PDE4D: variants seen among roughly 807,000 people sequenced by gnomAD.
PDE4D encodes phosphodiesterase 4D.
PDE4D carries 24 observed loss-of-function variants against 87.4 expected under a neutral mutation model. That is an observed-to-expected ratio of 0.27 (90% CI 0.20 to 0.39). PDE4D has a LOEUF of 0.39. PDE4D is among the 10% of genes least tolerant of loss of function. PDE4D has a pLI of 1.00. For missense variants in PDE4D, 714 were observed against 1,041.0 expected, an observed-to-expected ratio of 0.69 and a Z score of 4.32; for synonymous variants, 384 against 383.2, an observed-to-expected ratio of 1.00 and a Z score of -0.02.
At chr5:59,115,377 G>C (rs1209239857) in intron 5 of PDE4D, among the ~76,000 whole-genome samples, 6 of 152,086 alleles carry the variant, frequency 3.9e-5, no homozygotes, top group Non-Finnish European at 5.9e-5. Context: ...TGATTTTGTA[G>C]ATTTTCTTTT....
At chr5:59,080,915 A>G (rs1301324203) in intron 5 of PDE4D, among the ~76,000 whole-genome samples, 1 of 152,204 alleles carries the variant, frequency 6.6e-6, no homozygotes, top group Non-Finnish European at 1.5e-5. Context: ...TCTTCAAAAT[A>G]TAATCATGGC....
chr5:60,254,148 T>C (rs556021289), intron 1 of PDE4D, among the ~76,000 whole-genome samples: 22 of 151,984 alleles, frequency 1.4e-4, no homozygotes, highest in African/African-American at 4.3e-4. Context: ...AGGAGAGGCA[T>C]TGCTATGTGG....
chr5:60,084,230 A>G (rs992701165), intron 2 of PDE4D, among the ~76,000 whole-genome samples: 43 of 152,218 alleles, frequency 2.8e-4, no homozygotes, highest in African/African-American at 1.0e-3. Context: ...CATCAGAGAG[A>G]AATTTTCAGT....
chr5:59,041,502 G>T (rs575492020), intron 5 of PDE4D, among the ~76,000 whole-genome samples: 34 of 152,288 alleles, frequency 2.2e-4, no homozygotes, highest in Admixed American at 3.3e-4. Context: ...AATTTTAAGA[G>T]GACATTGACT....
At position 58,970,417 on chromosome 5, in the gene PDE4D, C is replaced by A. The variant is rs1013380292; in HGVS notation, c.*4247G>T. ...GGCTCATTTTTCCTAGAAAAAGAAT[C>A]TTTCCTTTCACTGAAAAGCCACATG... On this transcript the variant is annotated 3_prime_UTR_variant, in exon 15 of 15. Coordinates refer to ENST00000340635, the MANE Select transcript of PDE4D (RefSeq NM_001104631.2). The A allele has an allele frequency of 4.6e-5, 7 of 152,176 alleles. No homozygotes were observed. Among genetic ancestry groups the A allele is most frequent in the African/African-American group, 1.4e-4 (6 of 41,528 alleles). The allele number at this position is 152,176 out of a possible 1,614,324, so 9.4% of individuals were successfully genotyped here.
chr5:59,297,489 G>A (rs778271851), intron 1 of PDE4D, among the ~76,000 whole-genome samples: 11 of 152,088 alleles, frequency 7.2e-5, no homozygotes, highest in Non-Finnish European at 1.2e-4. Context: ...AAAGAGGGAC[G>A]GGTAGTGAAA....
At chr5:59,880,835 T>C (rs1179792213) in intron 1 of PDE4D, among the ~76,000 whole-genome samples, 4 of 152,228 alleles carry the variant, frequency 2.6e-5, no homozygotes, top group African/African-American at 9.6e-5. Context: ...TACATTTTTT[T>C]CTGAAATATT....
chr5:59,068,630 G>C (rs1764286808), intron 5 of PDE4D, among the ~76,000 whole-genome samples: 1 of 152,134 alleles, frequency 6.6e-6, no homozygotes, highest in Non-Finnish European at 1.5e-5. Flanking sequence ...TTCCTATTAA[G>C]GAATGAAGGC....
intron 2 of PDE4D, among the ~76,000 whole-genome samples, chr5:59,997,175 GA>G (rs1259364055): frequency 1.3e-5 from 2 of 151,784 alleles, no homozygotes; most frequent in African/African-American, 2.4e-5. Context: ...GTAGAGGAAG[GA>G]AAAAAAATAA....
chr5:60,157,971 T>C (rs1261871659), intron 2 of PDE4D, among the ~76,000 whole-genome samples: 3 of 151,634 alleles, frequency 2.0e-5, no homozygotes, highest in African/African-American at 7.3e-5. Context: ...TCCTCTAGCA[T>C]TGAGGGTATG....
At chr5:60,034,027 T>C (rs897559760) in intron 2 of PDE4D, among the ~76,000 whole-genome samples, 1 of 152,222 alleles carries the variant, frequency 6.6e-6, no homozygotes, top group African/African-American at 2.4e-5. Context: ...AAACTATATC[T>C]GAGATGATCT....
At chr5:60,257,209 TGAAAGAAAGAAAGA>T (rs987509575) in intron 1 of PDE4D, among the ~76,000 whole-genome samples, 2 of 90,004 alleles carry the variant, frequency 2.2e-5, no homozygotes, top group Non-Finnish European at 4.4e-5. Context: ...AAAGAATGAA[TGAAAGAAAGAAAGA>T]GAAAGAAAGA....
intron 2 of PDE4D, among the ~76,000 whole-genome samples, chr5:59,990,836 TG>T (rs1396977790): frequency 6.6e-6 from 1 of 152,196 alleles, no homozygotes; most frequent in Admixed American, 6.5e-5. Context: ...TTACTTCGCC[TG>T]GGACCTTTTG....
intron 1 of PDE4D, among the ~76,000 whole-genome samples, chr5:60,398,398 T>A (rs891515281): frequency 6.6e-6 from 1 of 152,210 alleles, no homozygotes; most frequent in African/African-American, 2.4e-5. Context: ...GCCTGGTCAG[T>A]TCATTTCCAG....
chr5:59,880,880 G>T (rs1749336656), intron 1 of PDE4D, among the ~76,000 whole-genome samples: 2 of 152,064 alleles, frequency 1.3e-5, no homozygotes, highest in African/African-American at 4.8e-5. Context: ...TATGTGACCT[G>T]TTATTACTGG....
intron 1 of PDE4D, among the ~76,000 whole-genome samples, chr5:59,743,551 A>G (rs1759165909): frequency 6.6e-6 from 1 of 152,154 alleles, no homozygotes; most frequent in Non-Finnish European, 1.5e-5. Flanking sequence ...TGACAAGAAT[A>G]TGGAGAAATT....
At chr5:59,506,388 T>C (rs1002646756) in intron 1 of PDE4D, among the ~76,000 whole-genome samples, 1 of 151,860 alleles carries the variant, frequency 6.6e-6, no homozygotes, top group African/African-American at 2.4e-5. Context: ...GCAAAAAAAA[T>C]GCTTCTGCTT....
chr5:60,025,822 C>T (rs1013508835), intron 2 of PDE4D, among the ~76,000 whole-genome samples: 1 of 152,056 alleles, frequency 6.6e-6, no homozygotes, highest in African/African-American at 2.4e-5. Context: ...CAGTTGAACC[C>T]AGTGAGACAA....
chr5:59,237,119 C>G (rs1756611167), intron 1 of PDE4D, among the ~76,000 whole-genome samples: 1 of 152,134 alleles, frequency 6.6e-6, no homozygotes, highest in Non-Finnish European at 1.5e-5. Context: ...ATCATTCTCA[C>G]TTTTCAAAGC....
Sources: allele counts gnomAD v4.1 joint callset (sites outside exome capture counted in the v4.1 genomes callset), GRCh38; gene constraint gnomAD v4.1.1; transcripts MANE v1.5; gene names NCBI Gene and HGNC (gene_info 2026-07-23, HGNC 2026-07-21).